The following RBFOX1 variants were observed in gnomAD, a reference collection of about 807,000 sequenced individuals.
The protein encoded by RBFOX1 is RNA binding protein fox-1 homolog 1.
A neutral mutation model predicts 57.7 loss-of-function variants in RBFOX1; 8 were observed. That is an observed-to-expected ratio of 0.14 (90% CI 0.08 to 0.25). The LOEUF (loss-of-function observed/expected upper bound fraction) is 0.25. Among genes scored for constraint, RBFOX1 ranks in the 10% least tolerant of loss-of-function variants. The probability of loss-of-function intolerance (pLI) is 1.00; values close to 1 mark genes in which losing one functional copy is unlikely to be tolerated. For synonymous variants in RBFOX1, 326 were observed against 222.4 expected (o/e 1.47, Z -4.15); for missense variants, 611 against 548.5 (o/e 1.11, Z -1.14).
intron 4 of RBFOX1, among the ~76,000 whole-genome samples, chr16:7,250,559 A>T (rs2094466414): frequency 6.6e-6 from 1 of 152,206 alleles, no homozygotes; most frequent in African/African-American, 2.4e-5. Flanking sequence ...AAAGTAAACT[A>T]CCTGAAGGCA....
At chr16:6,819,146 A>G (rs2090760727) in intron 3 of RBFOX1, among the ~76,000 whole-genome samples, 1 of 152,168 alleles carries the variant, frequency 6.6e-6, no homozygotes. Flanking sequence ...AGTTTGTATC[A>G]TATATTTGAC....
intron 1 of RBFOX1, among the ~76,000 whole-genome samples, chr16:6,121,250 G>A (rs530574687): frequency 2.6e-5 from 4 of 152,252 alleles, no homozygotes; most frequent in African/African-American, 4.8e-5. Context: ...TGAGACTCTA[G>A]ACTCTGCTTT....
intron 3 of RBFOX1, among the ~76,000 whole-genome samples, chr16:6,724,838 C>G (rs1165891426): frequency 6.6e-6 from 1 of 152,052 alleles, no homozygotes; most frequent in African/African-American, 2.4e-5. Flanking sequence ...CAACCCATCA[C>G]CTAGGTGTGC....
At chr16:5,527,558 G>A (rs994810512) in intron 2 of RBFOX1, among the ~76,000 whole-genome samples, 4 of 152,190 alleles carry the variant, frequency 2.6e-5, no homozygotes, top group African/African-American at 9.7e-5. Flanking sequence ...TGAATATGTA[G>A]GGGCTTGTTT....
intron 2 of RBFOX1, among the ~76,000 whole-genome samples, chr16:6,643,667 C>T (rs921829762): frequency 1.3e-5 from 2 of 152,036 alleles, no homozygotes; most frequent in African/African-American, 4.8e-5. Context: ...GCTCGTAGAC[C>T]AGATGGATTT....
At chr16:6,570,470 A>T (rs1375970319) in intron 2 of RBFOX1, among the ~76,000 whole-genome samples, 1 of 152,186 alleles carries the variant, frequency 6.6e-6, no homozygotes, top group Non-Finnish European at 1.5e-5. Flanking sequence ...GGCTCAGAAG[A>T]TATAAAAGAT....
intron 2 of RBFOX1, among the ~76,000 whole-genome samples, chr16:5,540,654 C>G (rs1178405290): frequency 6.6e-6 from 1 of 152,110 alleles, no homozygotes; most frequent in African/African-American, 2.4e-5. Context: ...ATTTCTGGGT[C>G]TGATCTCAGA....
chr16:7,064,500 G>A (rs1343355092), intron 4 of RBFOX1, among the ~76,000 whole-genome samples: 3 of 151,904 alleles, frequency 2.0e-5, no homozygotes, highest in African/African-American at 7.3e-5. Context: ...AGGAGATTAG[G>A]ACATAGACAC....
At chr16:6,642,041 G>T (rs1329186949) in intron 2 of RBFOX1, among the ~76,000 whole-genome samples, 1 of 152,174 alleles carries the variant, frequency 6.6e-6, no homozygotes, top group African/African-American at 2.4e-5. Context: ...GAAAATACTT[G>T]AAACAGTTTG....
At chr16:5,917,034 C>G (rs866553437) in intron 4 of RBFOX1, among the ~76,000 whole-genome samples, 1 of 152,170 alleles carries the variant, frequency 6.6e-6, no homozygotes, top group Non-Finnish European at 1.5e-5. Context: ...AGGGCTTCCA[C>G]TGAGTCGCCC....
chr16:5,322,025 C>T (rs1218561777), intron 1 of RBFOX1, among the ~76,000 whole-genome samples: 1 of 152,142 alleles, frequency 6.6e-6, no homozygotes, highest in Non-Finnish European at 1.5e-5. Flanking sequence ...CTCCATCCTA[C>T]AGATGAAGAA....
chr16:5,432,261 T>C (rs998368484), intron 1 of RBFOX1, among the ~76,000 whole-genome samples: 1 of 152,066 alleles, frequency 6.6e-6, no homozygotes, highest in Non-Finnish European at 1.5e-5. Flanking sequence ...AATAAAAACA[T>C]GGTTACAGTA....
intron 3 of RBFOX1, among the ~76,000 whole-genome samples, chr16:6,769,579 A>T (rs2077958407): frequency 6.6e-6 from 1 of 152,222 alleles, no homozygotes; most frequent in Non-Finnish European, 1.5e-5. Context: ...CAATGCTGAA[A>T]CAGCTTCATT....
chr16:5,651,830 A>G (rs901482913), intron 3 of RBFOX1, among the ~76,000 whole-genome samples: 4 of 152,164 alleles, frequency 2.6e-5, no homozygotes, highest in African/African-American at 9.7e-5. Flanking sequence ...AACAAAGTAA[A>G]CTAATAATAA....
intron 4 of RBFOX1, among the ~76,000 whole-genome samples, chr16:7,507,206 G>C (rs1325367175): frequency 1.3e-5 from 2 of 152,096 alleles, no homozygotes; most frequent in South Asian, 2.1e-4. Context: ...GCCTATCATA[G>C]TGTTTTTCCA....
At chr16:6,983,833 A>T (rs2089589441) in intron 3 of RBFOX1, 1 of 152,494 alleles carries the variant, frequency 6.6e-6, no homozygotes, top group African/African-American at 2.4e-5. Context: ...ACAAGACATT[A>T]GGCTGGGAGG....
intron 4 of RBFOX1, among the ~76,000 whole-genome samples, chr16:7,504,626 C>G (rs1403520127): frequency 2.1e-5 from 3 of 145,232 alleles, no homozygotes; most frequent in Admixed American, 1.4e-4. Context: ...TTATTCACTT[C>G]AAGACTTTAT....
chr16:5,500,867 G>C (rs575700447), intron 2 of RBFOX1, among the ~76,000 whole-genome samples: 1 of 152,208 alleles, frequency 6.6e-6, no homozygotes, highest in East Asian at 1.9e-4. Flanking sequence ...TTTTTCTCTA[G>C]TCTACCTCAC....
intron 3 of RBFOX1, among the ~76,000 whole-genome samples, chr16:6,827,710 G>A (rs558382204): frequency 2.0e-5 from 3 of 152,108 alleles, no homozygotes; most frequent in African/African-American, 7.2e-5. Flanking sequence ...TCCGTCCCAT[G>A]GTTGTTTGCC....
Sources: gnomAD v4.1 joint callset for allele counts (sites outside exome capture counted in the v4.1 genomes callset) on GRCh38, gnomAD v4.1.1 for gene constraint, MANE v1.5 for transcripts, NCBI Gene and HGNC (gene_info 2026-07-23, HGNC 2026-07-21) for gene names.